Variants in PTPRT observed in about 807,000 individuals in gnomAD.
PTPRT encodes protein tyrosine phosphatase receptor type T, also known as receptor-type tyrosine-protein phosphatase T.
A neutral mutation model predicts 176.8 loss-of-function variants in PTPRT; 56 were observed. The ratio of observed to expected loss-of-function variants is 0.32; its 90% CI spans 0.26 to 0.40. The LOEUF is 0.40. PTPRT is among the 10% of genes least tolerant of loss of function. The probability of loss-of-function intolerance (pLI) is 1.00; values close to 1 mark genes in which losing one functional copy is unlikely to be tolerated. For missense variants in PTPRT, 1,540 were observed against 1,908.2 expected (o/e 0.81, Z 3.60); for synonymous variants, 783 against 739.0 (o/e 1.06, Z -0.96).
intron 9 of PTPRT, among the ~76,000 whole-genome samples, chr20:42,391,427 T>G (rs1443016203): frequency 6.6e-6 from 1 of 152,118 alleles, no homozygotes; most frequent in Non-Finnish European, 1.5e-5. Context: ...CATGGCAGCC[T>G]CAGGAACTGG....
At chr20:42,790,503 A>G in intron 3 of PTPRT, among the ~76,000 whole-genome samples, 1 of 152,042 alleles carries the variant, frequency 6.6e-6, no homozygotes, top group East Asian at 1.9e-4. Flanking sequence ...ACTGCTTTAA[A>G]CTAAGTTCCA....
At chr20:42,608,247 C>G (rs2145814224) in intron 7 of PTPRT, among the ~76,000 whole-genome samples, 1 of 152,298 alleles carries the variant, frequency 6.6e-6, no homozygotes, top group African/African-American at 2.4e-5. Context: ...GCCCCTGCCC[C>G]AGTCCCCTTG....
intron 9 of PTPRT, among the ~76,000 whole-genome samples, chr20:42,424,611 T>C (rs143621962): frequency 2.4e-4 from 37 of 152,202 alleles, no homozygotes; most frequent in African/African-American, 8.9e-4. Flanking sequence ...TTAGCTGGTG[T>C]AATTGGAAGT....
chr20:42,238,171 C>T (rs888428285), intron 14 of PTPRT, among the ~76,000 whole-genome samples: 5 of 152,118 alleles, frequency 3.3e-5, no homozygotes, highest in African/African-American at 9.7e-5. Flanking sequence ...GCTCTATAAC[C>T]AGTGCATGAT....
the PTPRT span, among the ~76,000 whole-genome samples, chr20:42,062,305 G>T: frequency 6.6e-5 from 10 of 152,178 alleles, no homozygotes; most frequent in Non-Finnish European, 1.2e-4. Context: ...AGCAATGTGA[G>T]CTGGCTGAGA....
At chr20:42,317,451 C>G (rs999406851) in intron 11 of PTPRT, among the ~76,000 whole-genome samples, 2 of 152,142 alleles carry the variant, frequency 1.3e-5, no homozygotes, top group East Asian at 3.9e-4. Context: ...GACTCATGAT[C>G]TAAAACAGAA....
At chr20:42,588,597 G>T (rs531054194) in intron 7 of PTPRT, among the ~76,000 whole-genome samples, 1 of 152,202 alleles carries the variant, frequency 6.6e-6, no homozygotes, top group Admixed American at 6.5e-5. Context: ...AGTTTTTAAT[G>T]ATTATGCATT....
intron 1 of PTPRT, among the ~76,000 whole-genome samples, chr20:42,905,418 C>T (rs1035408617): frequency 2.0e-5 from 3 of 152,196 alleles, no homozygotes; most frequent in African/African-American, 4.8e-5. Context: ...CGGGAAACAA[C>T]AGATGCCGGA....
intron 1 of PTPRT, among the ~76,000 whole-genome samples, chr20:43,129,283 C>T (rs1267426563): frequency 6.6e-6 from 1 of 152,120 alleles, no homozygotes; most frequent in Admixed American, 6.5e-5. Context: ...TCAGGACCAC[C>T]GCCTGTGATC....
intron 7 of PTPRT, among the ~76,000 whole-genome samples, chr20:42,516,210 T>C: frequency 6.6e-6 from 1 of 151,108 alleles, no homozygotes; most frequent in Non-Finnish European, 1.5e-5. Context: ...CATATGTAAC[T>C]AACCTGCACA....
At chr20:42,482,826 A>G (rs2071409842) in intron 7 of PTPRT, among the ~76,000 whole-genome samples, 1 of 152,056 alleles carries the variant, frequency 6.6e-6, no homozygotes. Context: ...TTTTTTGAGC[A>G]TCTATAGGGT....
chr20:42,274,863 C>T (rs1226498450), intron 13 of PTPRT, among the ~76,000 whole-genome samples: 3 of 152,180 alleles, frequency 2.0e-5, no homozygotes, highest in Non-Finnish European at 2.9e-5. Context: ...AAGACCATCA[C>T]ATGCTAAATA....
chr20:43,052,428 T>C (rs1202406082), intron 1 of PTPRT, among the ~76,000 whole-genome samples: 2 of 152,220 alleles, frequency 1.3e-5, no homozygotes, highest in South Asian at 2.1e-4. Context: ...CATGCAAGGG[T>C]TGGGAACACA....
At chr20:42,916,233 C>T (rs1241227569) in intron 1 of PTPRT, among the ~76,000 whole-genome samples, 5 of 150,554 alleles carry the variant, frequency 3.3e-5, no homozygotes, top group African/African-American at 7.3e-5. Context: ...TATGTCCTTG[C>T]GATAGTTTAC....
intron 22 of PTPRT, among the ~76,000 whole-genome samples, chr20:42,114,800 T>C (rs536384754): frequency 6.6e-6 from 1 of 152,322 alleles, no homozygotes; most frequent in Non-Finnish European, 1.5e-5. Context: ...CCAGACTGCA[T>C]GTTTTTTCCT....
intron 1 of PTPRT, among the ~76,000 whole-genome samples, chr20:43,027,528 C>T (rs984734990): frequency 5.3e-5 from 8 of 151,592 alleles, no homozygotes; most frequent in Non-Finnish European, 8.8e-5. Flanking sequence ...GACTGGTGTC[C>T]TTATGAGAAG....
At chr20:42,542,754 G>T (rs1293860445) in intron 7 of PTPRT, among the ~76,000 whole-genome samples, 1 of 152,050 alleles carries the variant, frequency 6.6e-6, no homozygotes, top group African/African-American at 2.4e-5. Flanking sequence ...CTATTAGCAG[G>T]GGACTGTTAA....
intron 1 of PTPRT, among the ~76,000 whole-genome samples, chr20:43,094,323 T>TCGA (rs2012022862): frequency 6.6e-6 from 1 of 150,598 alleles, no homozygotes; most frequent in Admixed American, 6.6e-5. Context: ...CTTGACCTCG[T>TCGA]GATCCACCCA....
chr20:42,853,308 T>A (rs2078507700), intron 2 of PTPRT, among the ~76,000 whole-genome samples: 1 of 152,176 alleles, frequency 6.6e-6, no homozygotes, highest in African/African-American at 2.4e-5. Flanking sequence ...TTATGGAAAT[T>A]GGCTCATGCA....
Sources: allele counts gnomAD v4.1 joint callset (sites outside exome capture counted in the v4.1 genomes callset), GRCh38; gene constraint gnomAD v4.1.1; transcripts MANE v1.5; gene names NCBI Gene and HGNC (gene_info 2026-07-23, HGNC 2026-07-21).